LEKR1: variants seen among roughly 807,000 people sequenced by gnomAD.
LEKR1 encodes the protein leucine, glutamate and lysine rich 1, also known as protein LEKR1.
In LEKR1, 59 loss-of-function variants were observed where a neutral mutation model predicts 72.4. The observed-to-expected ratio is 0.82, with a 90% CI of 0.66 to 1.01. LEKR1 has a LOEUF of 1.01. Among genes scored for constraint, LEKR1 ranks in the 50% least tolerant of loss-of-function variants. LEKR1 has a pLI of 0.00. For missense variants in LEKR1, 728 were observed against 759.2 expected (o/e 0.96, Z 0.48); for synonymous variants, 257 against 263.2 (o/e 0.98, Z 0.23).
At chr3:157,018,386 T>G (rs1384356880) in intron 10 of LEKR1, among the ~76,000 whole-genome samples, 1 of 152,324 alleles carries the variant, frequency 6.6e-6, no homozygotes, top group African/African-American at 2.4e-5. Flanking sequence ...TCTTCTCAAG[T>G]GCACATGAAC....
intron 2 of LEKR1, among the ~76,000 whole-genome samples, chr3:156,831,156 TA>T (rs1274225488): frequency 1.3e-5 from 2 of 152,006 alleles, no homozygotes; most frequent in Non-Finnish European, 2.9e-5. Context: ...GATGCAGTCA[TA>T]GGGGTGTAGA....
intron 6 of LEKR1, among the ~76,000 whole-genome samples, chr3:156,948,103 AT>A (rs1343107170): frequency 2.6e-5 from 4 of 151,214 alleles, no homozygotes; most frequent in Non-Finnish European, 4.4e-5. Flanking sequence ...AAAATTAAAA[AT>A]TTTGGTAATA....
chr3:157,045,979 G>C lies in LEKR1; in HGVS notation c.*229G>C, dbSNP rs1312138917. 4.2e-6 allele frequency: 2 copies of C among 478,468 alleles called. No homozygotes were observed. Among genetic ancestry groups the C allele is most frequent in the Non-Finnish European group, 3.7e-6 (1 of 272,674 alleles). The allele number at this position is 478,468 out of a possible 1,614,324, so 29.6% of individuals were successfully genotyped here. A position where few individuals can be genotyped will look rare whatever the true frequency, so the allele number is the denominator to read the frequency against. The stretch of plus-strand genomic sequence containing the variant: ...ATCATTAAGTTGTTGGTATTCCAGA[G>C]GTCCGATTTCTATGTTTATGTTGGA... On this transcript the variant is annotated 3_prime_UTR_variant, in exon 13 of 13. Coordinates refer to ENST00000356539, the MANE Select transcript of LEKR1 (RefSeq NM_001004316.3).
At chr3:156,866,065 A>G (rs894278432) in intron 3 of LEKR1, among the ~76,000 whole-genome samples, 1 of 151,986 alleles carries the variant, frequency 6.6e-6, no homozygotes, top group African/African-American at 2.4e-5. Context: ...ATCTATTTCT[A>G]TCACCTAACA....
chr3:156,828,763 T>G (rs1219541975), intron 1 of LEKR1, among the ~76,000 whole-genome samples: 2 of 152,228 alleles, frequency 1.3e-5, no homozygotes, highest in Non-Finnish European at 2.9e-5. Flanking sequence ...ACTTGGCTTC[T>G]TATTTTTTGA....
chr3:156,875,992 C>CAAAAAAAAA (rs55816001), intron 3 of LEKR1, among the ~76,000 whole-genome samples: 1 of 70,176 alleles, frequency 1.4e-5, no homozygotes, highest in Non-Finnish European at 2.6e-5. Context: ...GACTCCATCT[C>CAAAAAAAAA]AAAAAAAAAA....
intron 2 of LEKR1, among the ~76,000 whole-genome samples, chr3:156,849,328 T>G (rs1423737406): frequency 1.3e-5 from 2 of 152,082 alleles, no homozygotes; most frequent in Non-Finnish European, 2.9e-5. Flanking sequence ...AATGGCCATA[T>G]TGCCCAAGGT....
At chr3:157,038,066 T>G (rs1453650998) in intron 12 of LEKR1, among the ~76,000 whole-genome samples, 1 of 152,174 alleles carries the variant, frequency 6.6e-6, no homozygotes, top group African/African-American at 2.4e-5. Flanking sequence ...CACCTAGGAA[T>G]TTCGAACAAG....
At chr3:157,006,172 A>AT (rs1237079287) in intron 9 of LEKR1, among the ~76,000 whole-genome samples, 40 of 147,994 alleles carry the variant, frequency 2.7e-4, no homozygotes, top group South Asian at 8.6e-4. Flanking sequence ...CGCCCGGCTA[A>AT]TTTTTTGTAT....
At chr3:156,995,322 C>T (rs1028485888) in intron 9 of LEKR1, among the ~76,000 whole-genome samples, 8 of 152,100 alleles carry the variant, frequency 5.3e-5, no homozygotes, top group African/African-American at 1.9e-4. Context: ...TATAATCTTA[C>T]CCTCTAAATG....
rs185175763 is a variant in LEKR1 at position 156,957,101 on chromosome 3, A to C, written c.745+14387A>C. 4.1e-4 allele frequency among the ~76,000 whole-genome samples: 62 copies of C among 152,170 alleles called. No individual in the cohort carries two copies. In the Middle Eastern group the frequency reaches 0.01, roughly 25 times the overall value. On this transcript the variant is annotated intron_variant, in intron 6 of 12. Transcript: ENST00000356539. ...ACTTAGAAAACAATCAGAAGAAGAAAATTATTTTTGTGGAAAGATCACATT... is the reference window on the plus strand; with the variant it reads ...ACTTAGAAAACAATCAGAAGAAGAACATTATTTTTGTGGAAAGATCACATT...
intron 3 of LEKR1, among the ~76,000 whole-genome samples, chr3:156,907,451 G>A (rs1722635514): frequency 6.6e-6 from 1 of 151,814 alleles, no homozygotes; most frequent in Admixed American, 6.6e-5. Flanking sequence ...AGGACCATAG[G>A]TTATTTAACT....
At chr3:156,849,045 C>T (rs1191488910) in intron 2 of LEKR1, among the ~76,000 whole-genome samples, 13 of 149,856 alleles carry the variant, frequency 8.7e-5, no homozygotes, top group African/African-American at 1.5e-4. Flanking sequence ...ACCTGATAAG[C>T]AACTTCAGCA....
rs1302317224 is a variant in LEKR1, at chr3:157,045,877, T to C, written c.*127T>C. ...CAGATCAGGAAGGCATACCTATAGA[T>C]GTATTTAACAAAAGACTGTAAAAAG... On this transcript the variant is annotated 3_prime_UTR_variant, in exon 13 of 13. Transcript: ENST00000356539. 5.9e-6 allele frequency: 5 copies of C among 840,614 alleles called. No homozygotes were observed. Among genetic ancestry groups the C allele is most frequent in the African/African-American group, 1.7e-5 (1 of 58,360 alleles). 52.1% of individuals were successfully genotyped at this position (840,614 alleles called of 1,614,324 possible). A position where few individuals can be genotyped will look rare whatever the true frequency, so the allele number is the denominator to read the frequency against.
chr3:156,876,931 C>T (rs1718667917), intron 3 of LEKR1, among the ~76,000 whole-genome samples: 1 of 148,044 alleles, frequency 6.8e-6, no homozygotes, highest in African/African-American at 2.4e-5. Flanking sequence ...CAGCTTTTCC[C>T]CATTCAGTAT....
chr3:156,829,674 G>T (rs934495605), intron 2 of LEKR1, among the ~76,000 whole-genome samples: 2 of 152,192 alleles, frequency 1.3e-5, no homozygotes, highest in African/African-American at 4.8e-5. Context: ...TTTTAATGGG[G>T]CTGGATTTCT....
At chr3:157,006,173 T>G (rs1252223824) in intron 9 of LEKR1, among the ~76,000 whole-genome samples, 1 of 151,286 alleles carries the variant, frequency 6.6e-6, no homozygotes, top group Non-Finnish European at 1.5e-5. Context: ...GCCCGGCTAA[T>G]TTTTTGTATT....
chr3:156,893,145 AAC>A (rs1231144345), intron 3 of LEKR1, among the ~76,000 whole-genome samples: 3 of 152,158 alleles, frequency 2.0e-5, no homozygotes, highest in African/African-American at 7.2e-5. Context: ...TAAAAGAAAT[AAC>A]AGTCTCTATC....
At chr3:156,902,589 A>G (rs1722142183) in intron 3 of LEKR1, among the ~76,000 whole-genome samples, 1 of 152,202 alleles carries the variant, frequency 6.6e-6, no homozygotes, top group African/African-American at 2.4e-5. Flanking sequence ...TTTGATTTCT[A>G]GAAATTGTTA....
Sources: gnomAD v4.1 joint callset for allele counts (sites outside exome capture counted in the v4.1 genomes callset) on GRCh38, gnomAD v4.1.1 for gene constraint, MANE v1.5 for transcripts, NCBI Gene and HGNC (gene_info 2026-07-23, HGNC 2026-07-21) for gene names.